The following SCLT1 variants were observed in gnomAD, a reference collection of about 807,000 sequenced individuals.
SCLT1 encodes the protein sodium channel-associated protein 1.
Under a neutral mutation model 112.8 loss-of-function variants are expected in SCLT1, and 78 were observed. The ratio of observed to expected loss-of-function variants is 0.69; its 90% CI spans 0.58 to 0.83. SCLT1 has a LOEUF of 0.83. SCLT1 is among the 40% of genes least tolerant of loss of function. SCLT1 has a pLI of 0.00. For synonymous variants in SCLT1, 257 were observed against 254.7 expected, an observed-to-expected ratio of 1.01 and a Z score of -0.09; for missense variants, 747 against 770.4, an observed-to-expected ratio of 0.97 and a Z score of 0.36.
intron 5 of SCLT1, among the ~76,000 whole-genome samples, chr4:129,025,283 T>G (rs1304792405): frequency 6.6e-6 from 1 of 152,110 alleles, no homozygotes; most frequent in Non-Finnish European, 1.5e-5. Context: ...GAAAAAATGT[T>G]AAGGGCAGCC....
chr4:129,046,835 T>C (rs111991200), intron 2 of SCLT1, among the ~76,000 whole-genome samples: 22 of 152,252 alleles, frequency 1.4e-4, no homozygotes, highest in African/African-American at 5.1e-4. Flanking sequence ...CTTGGAACTA[T>C]GCTTTTCACT....
chr4:128,921,350 C>A (rs1735866054), intron 18 of SCLT1, among the ~76,000 whole-genome samples: 1 of 105,236 alleles, frequency 9.5e-6, no homozygotes, highest in Non-Finnish European at 1.9e-5. Context: ...ATAGCCAAGG[C>A]AATTCTAAGC....
chr4:129,087,034 T>C (rs575959386), intron 1 of SCLT1, among the ~76,000 whole-genome samples: 45 of 152,292 alleles, frequency 3.0e-4, no homozygotes, highest in African/African-American at 1.0e-3. Context: ...AGCCCTATGA[T>C]TGCCCCACCT....
chr4:129,055,807 C>A (rs539538982), intron 2 of SCLT1, among the ~76,000 whole-genome samples: 1 of 149,680 alleles, frequency 6.7e-6, no homozygotes, highest in Admixed American at 6.7e-5. Context: ...GGGTTCCAGG[C>A]GCCACTGGCA....
intron 5 of SCLT1, among the ~76,000 whole-genome samples, chr4:129,014,925 C>T (rs72924151): frequency 0.018 from 2,762 of 152,066 alleles, 70 homozygotes; most frequent in African/African-American, 0.055. Flanking sequence ...CTGGTGACTA[C>T]GTGGGTGGTC....
chr4:128,936,001 G>A (rs1054829203), intron 18 of SCLT1, among the ~76,000 whole-genome samples: 4 of 151,936 alleles, frequency 2.6e-5, no homozygotes, highest in African/African-American at 4.8e-5. Context: ...CAAACTTCCC[G>A]TGATTATCTC....
In SCLT1 at chr4:129,018,367, C is replaced by T. The variant is rs113923859; in HGVS notation, c.291-14491G>A. ...TTATTATAATTGCACAATTTAATTA[C>T]GTATGCCTCAAAGTAATAAATAAAA... On this transcript the variant is annotated intron_variant, in intron 5 of 20. Transcript: ENST00000281142. 5.6e-3 allele frequency among the ~76,000 whole-genome samples: 849 copies of T among 152,270 alleles called. 15 individuals are homozygous for T. Among genetic ancestry groups the T allele is most frequent in the African/African-American group, 0.019 (792 of 41,556 alleles).
At chr4:128,885,148 C>G (rs1732794538) in intron 20 of SCLT1, among the ~76,000 whole-genome samples, 2 of 152,066 alleles carry the variant, frequency 1.3e-5, no homozygotes. Context: ...TAAGCCAACA[C>G]AATGCAAGGC....
At chr4:128,952,408 T>C (rs1451573100) in intron 14 of SCLT1, 1 of 465,122 alleles carries the variant, frequency 2.1e-6, no homozygotes, top group Non-Finnish European at 4.3e-6. Flanking sequence ...TATTCATTTC[T>C]TTCAGGAAGC....
rs193148392 is a variant in SCLT1 at position 129,087,368 on chromosome 4, A to G, written c.35-4995T>C. Among the ~76,000 whole-genome samples, 1,027 of 152,336 alleles carry G rather than the reference A, an allele frequency of 6.7e-3. 8 individuals carry two copies. Among genetic ancestry groups the G allele is most frequent in the Non-Finnish European group, 0.01 (714 of 68,016 alleles). On this transcript the variant is annotated intron_variant, in intron 1 of 20. Coordinates refer to ENST00000281142, the MANE Select transcript of SCLT1 (RefSeq NM_144643.4). ...GAATTCTATCAAATATTCAAGGAAGAAATAATATCATTTTATACATACTCT... is the reference window on the plus strand; with the variant it reads ...GAATTCTATCAAATATTCAAGGAAGGAATAATATCATTTTATACATACTCT...
At chr4:128,915,466 T>C (rs1036379758) in intron 18 of SCLT1, among the ~76,000 whole-genome samples, 4 of 152,234 alleles carry the variant, frequency 2.6e-5, no homozygotes, top group African/African-American at 7.2e-5. Flanking sequence ...ACAGTCTTCA[T>C]AATAATTCTT....
chr4:129,053,557 A>ATTTTTTT lies in SCLT1; in HGVS notation c.103-9513_103-9507dup, dbSNP rs528905688. ...TTAGAGACTAGGATTGCAATCCCTG[A>ATTTTTTT]TTTTTTTTTTTTTTTTTTTTTTTTT... On this transcript the variant is annotated intron_variant, in intron 2 of 20. Transcript: ENST00000281142. Among the ~76,000 whole-genome samples the ATTTTTTT allele has an allele frequency of 1.0e-3, 45 of 45,224 alleles. 2 individuals are homozygous for ATTTTTTT. The highest frequency in any genetic ancestry group is 2.2e-3 in the East Asian group (3 of 1,346). The allele number at this position is 45,224 out of a possible 152,430, so 29.7% of individuals were successfully genotyped here. A position where few individuals can be genotyped will look rare whatever the true frequency, so the allele number is the denominator to read the frequency against.
chr4:129,084,160 T>C (rs989644129), intron 1 of SCLT1, among the ~76,000 whole-genome samples: 5 of 152,162 alleles, frequency 3.3e-5, no homozygotes, highest in African/African-American at 1.2e-4. Flanking sequence ...TGACATTTAC[T>C]CAACACTCTA....
intron 1 of SCLT1, among the ~76,000 whole-genome samples, chr4:129,086,397 A>C (rs1752402934): frequency 1.3e-5 from 2 of 152,116 alleles, no homozygotes; most frequent in Admixed American, 1.3e-4. Context: ...TTTTAGTTCC[A>C]ACATGCATAA....
In SCLT1 at chr4:128,952,845, AAATT is replaced by A; in HGVS notation, c.1147-9_1147-6del. On this transcript the variant is annotated splice_polypyrimidine_tract_variant and splice_region_variant and intron_variant, in intron 13 of 20. Transcript: ENST00000281142. ...TTGTTTTTTGGTGTTTGCAACCTGT[AAATT>A]AAGACATTTACTCATTATTTGGTTC... 1 of 1,385,942 alleles carries A rather than the reference AAATT, an allele frequency of 7.2e-7. No individual in the cohort carries two copies. The highest frequency in any genetic ancestry group is 1.0e-6 in the Non-Finnish European group (1 of 972,588). 85.9% of individuals were successfully genotyped at this position (1,385,942 alleles called of 1,614,324 possible). A position where few individuals can be genotyped will look rare whatever the true frequency, so the allele number is the denominator to read the frequency against.
intron 18 of SCLT1, among the ~76,000 whole-genome samples, chr4:128,898,409 G>T (rs1733969744): frequency 6.6e-6 from 1 of 152,090 alleles, no homozygotes; most frequent in African/African-American, 2.4e-5. Context: ...TGAACAACCT[G>T]CTCCTGAATG....
At chr4:129,023,781 T>A (rs554181106) in intron 5 of SCLT1, among the ~76,000 whole-genome samples, 1 of 152,166 alleles carries the variant, frequency 6.6e-6, no homozygotes, top group Admixed American at 6.5e-5. Context: ...TTCCCTTTCC[T>A]AGTCAAAGAA....
At chr4:129,017,334 A>C (rs1305702639) in intron 5 of SCLT1, among the ~76,000 whole-genome samples, 1 of 152,154 alleles carries the variant, frequency 6.6e-6, no homozygotes, top group East Asian at 1.9e-4. Context: ...AGAAATGTAC[A>C]TGTACATAAT....
At position 128,942,962 on chromosome 4, in the gene SCLT1, A is replaced by G. The variant is rs570513378; in HGVS notation, c.1632+34T>C. On this transcript the variant is annotated intron_variant, in intron 17 of 20. Coordinates refer to ENST00000281142, the MANE Select transcript of SCLT1 (RefSeq NM_144643.4). ...AAATATTCTCTATACTTTGATTTTCATAAGTACACATTTAACTCTAGTCTT... is the reference window on the plus strand; with the variant it reads ...AAATATTCTCTATACTTTGATTTTCGTAAGTACACATTTAACTCTAGTCTT... 7.7e-5 allele frequency: 114 copies of G among 1,474,706 alleles called. 2 individuals carry two copies. In the South Asian group the frequency reaches 1.1e-3, roughly 14 times the overall value. 91.4% of individuals were successfully genotyped at this position (1,474,706 alleles called of 1,614,324 possible). A position where few individuals can be genotyped will look rare whatever the true frequency, so the allele number is the denominator to read the frequency against.
Sources: allele counts gnomAD v4.1 joint callset (sites outside exome capture counted in the v4.1 genomes callset), GRCh38; gene constraint gnomAD v4.1.1; transcripts MANE v1.5; gene names NCBI Gene and HGNC (gene_info 2026-07-23, HGNC 2026-07-21).